The following TRPC3 variants were observed in gnomAD, a reference collection of about 807,000 sequenced individuals.
The protein encoded by TRPC3 is short transient receptor potential channel 3.
TRPC3 carries 54 observed loss-of-function variants against 90.9 expected under a neutral mutation model. That is an observed-to-expected ratio of 0.59 (90% CI 0.48 to 0.75). The LOEUF (loss-of-function observed/expected upper bound fraction) is 0.75. Ranked by LOEUF, TRPC3 falls within the 30% of genes least tolerant of loss-of-function variation. The pLI, the probability that TRPC3 is intolerant of heterozygous loss-of-function variation, is 0.00. For missense variants in TRPC3, 918 were observed against 1,194.5 expected (o/e 0.77, Z 3.41); for synonymous variants, 424 against 450.9 (o/e 0.94, Z 0.75).
Position 121,902,837 on chromosome 4 carries a change from G to A in TRPC3, c.2463+15C>T. 6.4e-7 allele frequency: 1 copy of A among 1,568,504 alleles called. No individual in the cohort carries two copies. Among genetic ancestry groups the A allele is most frequent in the Non-Finnish European group, 8.6e-7 (1 of 1,158,974 alleles). The stretch of plus-strand genomic sequence containing the variant: ...AACATTTATTTTAAGGTCTTGGTAA[G>A]TTTTCGATACCTACCCTGGACTTTG... On this transcript the variant is annotated intron_variant, in intron 9 of 11. Coordinates refer to ENST00000379645, the MANE Select transcript of TRPC3 (RefSeq NM_001130698.2).
intron 3 of TRPC3, among the ~76,000 whole-genome samples, chr4:121,920,659 A>G (rs1490058328): frequency 6.6e-6 from 1 of 152,226 alleles, no homozygotes; most frequent in Non-Finnish European, 1.5e-5. Context: ...TGTTAGTTTA[A>G]GAGAAGGAAA....
intron 10 of TRPC3, among the ~76,000 whole-genome samples, chr4:121,883,731 T>C (rs1012583705): frequency 6.6e-6 from 1 of 152,204 alleles, no homozygotes; most frequent in Non-Finnish European, 1.5e-5. Flanking sequence ...AGTTTTTAAA[T>C]TGATTTCTAT....
chr4:121,895,801 C>T (rs78345842), intron 10 of TRPC3, among the ~76,000 whole-genome samples: 8 of 151,958 alleles, frequency 5.3e-5, no homozygotes, highest in Non-Finnish European at 1.0e-4. Flanking sequence ...TCAAACTAAT[C>T]GAAAAAATTA....
chr4:121,917,390 C>T lies in TRPC3; in HGVS notation c.1177-2446G>A, dbSNP rs185646171. On this transcript the variant is annotated intron_variant, in intron 3 of 11. Coordinates refer to ENST00000379645, the MANE Select transcript of TRPC3 (RefSeq NM_001130698.2). ...CTATATTTAGATCATTTCCTTCCTG[C>T]TTCACCTCTCCCTCTATGGTCCCTA... is the stretch of plus-strand genomic sequence containing the variant. Among the ~76,000 whole-genome samples, 7 of 152,292 alleles carry T rather than the reference C, an allele frequency of 4.6e-5. No individual in the cohort carries two copies. In the East Asian group the frequency reaches 1.4e-3, roughly 29 times the overall value.
intron 10 of TRPC3, among the ~76,000 whole-genome samples, chr4:121,897,009 T>C (rs1409657866): frequency 6.6e-6 from 1 of 152,052 alleles, no homozygotes; most frequent in Non-Finnish European, 1.5e-5. Flanking sequence ...CAACTGAGTT[T>C]TTACAAAGAT....
In TRPC3 at chr4:121,912,086, T is replaced by C. The variant is rs1578626252; in HGVS notation, c.1349A>G (p.Lys450Arg). The part of the protein sequence containing the change: ...YWIAPCSRLG[K>R]ILRSPFMKFV... Reference sequence around the variant, plus strand: ...CTTCATAAAAGGGCTTCGCAGAATTTTCCCCAGCTGTAACAAACCAAAGAG... The same window carrying C: ...CTTCATAAAAGGGCTTCGCAGAATTCTCCCCAGCTGTAACAAACCAAAGAG... Residue 450 changes from lysine (K) to arginine (R), a missense_variant, in exon 5 of 12, where the codon AAA (lysine) becomes AGA (arginine). This residue lies in a region of TRPC3 where 609 missense variants were observed against 725.9 expected (regional missense o/e 0.84). Coordinates refer to ENST00000379645, the MANE Select transcript of TRPC3 (RefSeq NM_001130698.2). 1.1e-5 allele frequency: 17 copies of C among 1,613,354 alleles called. No homozygotes were observed. The East Asian group carries it at 3.8e-4, about 36-fold the overall frequency.
intron 1 of TRPC3, chr4:121,950,976 G>C (rs1053465122): frequency 2.6e-5 from 4 of 152,612 alleles, no homozygotes; most frequent in Admixed American, 6.5e-5. Flanking sequence ...GCGTCGGAGG[G>C]GACCCAAGTC....
intron 1 of TRPC3, among the ~76,000 whole-genome samples, chr4:121,949,928 A>C (rs917774410): frequency 6.6e-6 from 1 of 152,206 alleles, no homozygotes; most frequent in Non-Finnish European, 1.5e-5. Flanking sequence ...CCGGTGTTTC[A>C]TGTAGTCAGG....
chr4:121,945,440 T>C (rs1560720994), intron 1 of TRPC3, among the ~76,000 whole-genome samples: 1 of 152,144 alleles, frequency 6.6e-6, no homozygotes, highest in South Asian at 2.1e-4. Flanking sequence ...CTACAATATA[T>C]AACGGTGGAA....
chr4:121,902,912 T>C lies in TRPC3; in HGVS notation c.2403A>G (p.Lys801=), dbSNP rs1388030475. 1.2e-6 allele frequency: 2 copies of C among 1,613,448 alleles called. No individual in the cohort carries two copies. The highest frequency in any genetic ancestry group is 1.3e-5 in the African/African-American group (1 of 74,892). Residue 801 remains lysine, a synonymous_variant, in exon 9 of 12, where the codon AAA becomes AAG. Transcript: ENST00000379645. The stretch of plus-strand genomic sequence containing the variant: ...CCTTCTGAAGCCTTCTCCTTCTGCA[T>C]TTGGGAAAGTTAACAATTCGCATGA... ...YFIMRIVNFP[K]CRRRRLQKDI...
chr4:121,914,938 C>T lies in TRPC3; in HGVS notation c.1183G>A (p.Ala395Thr). Residue 395 changes from alanine to threonine, a missense_variant, in exon 4 of 12, where the codon GCT (alanine) becomes ACT (threonine). Around this residue, in one of 4 missense-constraint regions of TRPC3, gnomAD observed 609 missense variants for 725.9 expected, o/e 0.84. Transcript: ENST00000379645. ...AGCTGCTGCTGGCAGTTGGGATGAG[C>T]CACAAACTATTGGGAGAGAGAGAGT... ...AIKYEVKKFV[A>T]HPNCQQQLLT... 2 of 1,603,048 alleles carry T rather than the reference C, an allele frequency of 1.2e-6. No individual in the cohort carries two copies. Among genetic ancestry groups the T allele is most frequent in the Non-Finnish European group, 1.7e-6 (2 of 1,171,710 alleles).
chr4:121,902,514 T>G (rs1728738218), intron 9 of TRPC3, among the ~76,000 whole-genome samples: 1 of 152,214 alleles, frequency 6.6e-6, no homozygotes, highest in Non-Finnish European at 1.5e-5. Flanking sequence ...TTTAAACTAT[T>G]TAACTTCAGA....
intron 4 of TRPC3, 134 bp from the exon 5 acceptor site, chr4:121,912,227 T>C: frequency 1.5e-6 from 1 of 686,922 alleles, no homozygotes; most frequent in South Asian, 2.2e-5. Flanking sequence ...AAAAGCTTTA[T>C]ATTATGAAAA....
At position 121,950,156 on chromosome 4, in the gene TRPC3, G is replaced by A. The variant is rs187638247; in HGVS notation, c.215+1310C>T. On this transcript the variant is annotated intron_variant, in intron 1 of 11. Coordinates refer to ENST00000379645, the MANE Select transcript of TRPC3 (RefSeq NM_001130698.2). The stretch of plus-strand genomic sequence containing the variant: ...TCTTCAGCAATAACTGAACCACATC[G>A]GGATGCGTCGCTCATTTAAAATCAG... 3.1e-3 allele frequency among the ~76,000 whole-genome samples: 475 copies of A among 152,254 alleles called. 3 individuals are homozygous for A. Among genetic ancestry groups the A allele is most frequent in the African/African-American group, 0.011 (451 of 41,534 alleles).
Position 121,932,653 on chromosome 4 carries a change from G to A in TRPC3, c.605C>T (p.Ala202Val), listed in dbSNP as rs933977851. 1.9e-6 allele frequency: 3 copies of A among 1,612,318 alleles called. No individual in the cohort carries two copies. Among genetic ancestry groups the A allele is most frequent in the Non-Finnish European group, 2.5e-6 (3 of 1,178,784 alleles). Residue 202 changes from alanine to valine, a missense_variant, in exon 2 of 12, where the codon GCC (alanine) becomes GTC (valine). Ala to Val is a moderately conservative substitution (Grantham distance 64). This residue lies in a region of TRPC3 where 609 missense variants were observed against 725.9 expected (regional missense o/e 0.84). Coordinates refer to ENST00000379645, the MANE Select transcript of TRPC3 (RefSeq NM_001130698.2). This position sits in a 1 kb window ranked among gnomAD's most constrained non-coding sequence, Gnocchi z 7.7. ...EAILNHPGFA[A>V]SKRLTLSPCE... ...GGGGCTCAGAGTGAGACGCTTGCTG[G>A]CCGCGAAGCCAGGGTGGTTGAGGAT...
At chr4:121,884,164 T>G (rs1728032328) in intron 10 of TRPC3, among the ~76,000 whole-genome samples, 1 of 152,028 alleles carries the variant, frequency 6.6e-6, no homozygotes, top group African/African-American at 2.4e-5. Context: ...GAATGAAAAA[T>G]TCCAGTTGCA....
chr4:121,936,863 C>G (rs966005559), intron 1 of TRPC3, among the ~76,000 whole-genome samples: 5 of 152,042 alleles, frequency 3.3e-5, no homozygotes, highest in Non-Finnish European at 7.4e-5. Context: ...TTTTAAGCCA[C>G]CCATTCTATG....
At chr4:121,897,902 T>A (rs1728573790) in intron 10 of TRPC3, among the ~76,000 whole-genome samples, 1 of 152,112 alleles carries the variant, frequency 6.6e-6, no homozygotes, top group Non-Finnish European at 1.5e-5. Flanking sequence ...GAAATCAACC[T>A]AGGTGTCTAA....
intron 1 of TRPC3, among the ~76,000 whole-genome samples, chr4:121,940,374 G>A (rs1181715354): frequency 6.6e-6 from 1 of 152,212 alleles, no homozygotes; most frequent in Non-Finnish European, 1.5e-5. Flanking sequence ...GGCATTTAAT[G>A]TTTTCTCTCC....
Sources: gnomAD v4.1 joint callset for allele counts (sites outside exome capture counted in the v4.1 genomes callset) on GRCh38, gnomAD v4.1.1 for gene constraint, gnomAD v4.1.1 regional missense constraint, Gnocchi (gnomAD v3.1) non-coding constraint, MANE v1.5 for transcripts, NCBI Gene and HGNC (gene_info 2026-07-23, HGNC 2026-07-21) for gene names.